The following CUBN variants were observed in gnomAD, a reference collection of about 807,000 sequenced individuals.
CUBN encodes the protein cubilin.
In CUBN, 282 loss-of-function variants were observed where a neutral mutation model predicts 405.3. That is an observed-to-expected ratio of 0.70 (90% CI 0.63 to 0.77). The LOEUF is 0.77. Among genes scored for constraint, CUBN ranks in the 30% least tolerant of loss-of-function variants. CUBN has a pLI of 0.00. For synonymous variants in CUBN, 1,684 were observed against 1,617.0 expected, an observed-to-expected ratio of 1.04 and a Z score of -0.99; for missense variants, 4,514 against 4,475.2, an observed-to-expected ratio of 1.01 and a Z score of -0.25.
chr10:16,908,659 A>G (rs567305245), intron 48 of CUBN, among the ~76,000 whole-genome samples: 5 of 152,182 alleles, frequency 3.3e-5, no homozygotes, highest in Admixed American at 6.5e-5. Context: ...TATTCTTCCA[A>G]TGCTTTATAA....
chr10:16,961,347 T>C (rs1485839610), intron 31 of CUBN, among the ~76,000 whole-genome samples: 2 of 152,192 alleles, frequency 1.3e-5, no homozygotes, highest in African/African-American at 4.8e-5. Context: ...ATTATAGGCA[T>C]GAGCCACAGT....
chr10:17,040,876 A>G (rs1835002553), intron 27 of CUBN, among the ~76,000 whole-genome samples, 157 bp downstream of exon 27: 1 of 152,216 alleles, frequency 6.6e-6, no homozygotes, highest in African/African-American at 2.4e-5. Flanking sequence ...TACATTAAAT[A>G]TGAAATATAC....
rs200499216 is a variant in CUBN at position 17,129,762 on chromosome 10, T to C, written c.4A>G (p.Met2Val). 1.5e-5 allele frequency: 25 copies of C among 1,614,074 alleles called. No individual in the cohort carries two copies. In the African/African-American group the frequency reaches 3.2e-4, roughly 21 times the overall value. The change falls in exon 1 of 67, where the codon ATG becomes GTG. Residue 2 changes from methionine to valine, a missense_variant. Physicochemically the swap from Met to Val is conservative, Grantham distance 21 (BLOSUM62 1). This residue lies in a region of CUBN where 1,448 missense variants were observed against 1,388.0 expected (regional missense o/e 1.04). Transcript: ENST00000377833. The stretch of plus-strand genomic sequence containing the variant: ...CAAAGAAAAGGTAAAGACATGTTCA[T>C]CATCAACCTCCCAGGTTGGCAGGTA... MMNMSLPFLWSL... is the reference protein window; with the variant it reads MVNMSLPFLWSL...
At chr10:16,865,388 C>T (rs762507340) in intron 59 of CUBN, among the ~76,000 whole-genome samples, 1 of 152,112 alleles carries the variant, frequency 6.6e-6, no homozygotes, top group Non-Finnish European at 1.5e-5. Flanking sequence ...CTTAATGCAA[C>T]CTGACTCAGT....
chr10:17,074,165 G>A (rs1027052083), intron 17 of CUBN, among the ~76,000 whole-genome samples: 1 of 152,192 alleles, frequency 6.6e-6, no homozygotes, highest in Non-Finnish European at 1.5e-5. Flanking sequence ...CCATGAAACA[G>A]TCACTGCTCA....
chr10:17,039,422 G>T (rs997028493), intron 27 of CUBN, among the ~76,000 whole-genome samples: 1 of 152,136 alleles, frequency 6.6e-6, no homozygotes, highest in East Asian at 1.9e-4. Context: ...AAGTGCCTGG[G>T]TTACAAAGTT....
At chr10:16,952,901 T>C (rs1314550997) in intron 32 of CUBN, among the ~76,000 whole-genome samples, 1 of 152,030 alleles carries the variant, frequency 6.6e-6, no homozygotes, top group Non-Finnish European at 1.5e-5. Context: ...GAGGCTAAAC[T>C]AGGACTTGGA....
At chr10:16,850,905 T>G (rs569334779) in intron 60 of CUBN, among the ~76,000 whole-genome samples, 1 of 152,338 alleles carries the variant, frequency 6.6e-6, no homozygotes, top group East Asian at 1.9e-4. Context: ...TATTTTAGGA[T>G]TTGCCAAAGG....
rs7088988 is a variant in CUBN at position 16,904,126 on chromosome 10, T to C, written c.7913-11A>G. The C allele has an allele frequency of 0.067, 108,340 of 1,612,370 alleles. 4,141 individuals carry two copies. The highest frequency in any genetic ancestry group is 0.076 in the Non-Finnish European group (89,484 of 1,178,542). The stretch of plus-strand genomic sequence containing the variant: ...GCCCATCAGCATCACCTGAACAAAA[T>C]AATATACCAAGTGCCATCATTGATA... On this transcript the variant is annotated splice_polypyrimidine_tract_variant and intron_variant, in intron 50 of 66. Transcript: ENST00000377833.
intron 27 of CUBN, chr10:17,023,600 A>C (rs753962660): frequency 5.9e-5 from 27 of 455,872 alleles, no homozygotes; most frequent in Non-Finnish European, 1.1e-4. Context: ...TTTTCAGAGC[A>C]GAATGTTAAC....
intron 54 of CUBN, among the ~76,000 whole-genome samples, chr10:16,898,278 G>A (rs1245038795): frequency 2.0e-5 from 3 of 151,976 alleles, no homozygotes; most frequent in African/African-American, 7.3e-5. Flanking sequence ...GCTTAAAACA[G>A]CCCCACTGAA....
chr10:16,852,779 T>C (rs558489957), intron 59 of CUBN, among the ~76,000 whole-genome samples: 22 of 152,360 alleles, frequency 1.4e-4, no homozygotes, highest in African/African-American at 5.3e-4. Flanking sequence ...TCATGAACAC[T>C]GTCAGACTGA....
At chr10:17,115,697 G>T in intron 6 of CUBN, 100 bp from the exon 7 acceptor site, 3 of 1,441,380 alleles carry the variant, frequency 2.1e-6, no homozygotes, top group Non-Finnish European at 2.9e-6. Flanking sequence ...ACAAATCAAC[G>T]ATGTTAACTT....
chr10:16,831,005 T>C (rs1178370040), intron 65 of CUBN, among the ~76,000 whole-genome samples: 1 of 151,994 alleles, frequency 6.6e-6, no homozygotes, highest in Non-Finnish European at 1.5e-5. Flanking sequence ...GAGAATCACT[T>C]GAACCTGGGA....
chr10:16,961,782 A>G (rs1232820661), intron 31 of CUBN, among the ~76,000 whole-genome samples: 33 of 128,912 alleles, frequency 2.6e-4, no homozygotes, highest in Admixed American at 1.1e-3. Flanking sequence ...CGGGATCTCG[A>G]CTCACTGCAA....
rs147032477 is a variant in CUBN at position 17,048,965 on chromosome 10, T to C, written c.3140-1362A>G. 3.6e-3 allele frequency among the ~76,000 whole-genome samples: 545 copies of C among 152,348 alleles called. 4 individuals are homozygous for C. Among genetic ancestry groups the C allele is most frequent in the African/African-American group, 0.013 (520 of 41,578 alleles). On this transcript the variant is annotated intron_variant, in intron 22 of 66. Transcript: ENST00000377833. Reference sequence around the variant, plus strand: ...CGCCAGATATTTGATTTTACTCTATTTTAAACAGCAAGCAATCAAGGCTTT... The same window carrying C: ...CGCCAGATATTTGATTTTACTCTATCTTAAACAGCAAGCAATCAAGGCTTT...
chr10:16,907,401 A>T, intron 49 of CUBN, 107 bp downstream of exon 49: 1 of 1,168,910 alleles, frequency 8.6e-7, no homozygotes, highest in East Asian at 2.4e-5. Context: ...AAAGATTTCA[A>T]GTATCACTAA....
chr10:16,827,196 G>T (rs1039205861), intron 66 of CUBN, among the ~76,000 whole-genome samples: 10 of 152,054 alleles, frequency 6.6e-5, no homozygotes, highest in Non-Finnish European at 1.2e-4. Flanking sequence ...ACTTAGAGGG[G>T]CTTCATTAAA....
At chr10:16,850,884 C>T (rs1438571717) in intron 60 of CUBN, among the ~76,000 whole-genome samples, 1 of 152,196 alleles carries the variant, frequency 6.6e-6, no homozygotes, top group Admixed American at 6.5e-5. Flanking sequence ...ATTTGTGTCA[C>T]TGACATTGTT....
Sources: allele counts gnomAD v4.1 joint callset (sites outside exome capture counted in the v4.1 genomes callset), GRCh38; gene constraint gnomAD v4.1.1; regional missense constraint gnomAD v4.1.1; transcripts MANE v1.5; gene names NCBI Gene and HGNC (gene_info 2026-07-23, HGNC 2026-07-21).